COL24A1: variants seen among roughly 807,000 people sequenced by gnomAD.
The protein encoded by COL24A1 is collagen alpha-1(XXIV) chain.
In COL24A1, 224 loss-of-function variants were observed where a neutral mutation model predicts 253.9. The ratio of observed to expected loss-of-function variants is 0.88; its 90% CI spans 0.79 to 0.99. COL24A1 has a LOEUF of 0.99. COL24A1 is among the 50% of genes least tolerant of loss of function. The pLI is 0.00. For missense variants in COL24A1, 2,131 were observed against 2,068.5 expected, an observed-to-expected ratio of 1.03 and a Z score of -0.59; for synonymous variants, 685 against 673.7, an observed-to-expected ratio of 1.02 and a Z score of -0.26.
chr1:86,009,686 T>C (rs971692888), intron 19 of COL24A1, among the ~76,000 whole-genome samples: 1 of 152,164 alleles, frequency 6.6e-6, no homozygotes, highest in African/African-American at 2.4e-5. Context: ...AGTAAGTCAG[T>C]AGTGAGTGAA....
chr1:85,974,869 CA>C (rs1209470217), intron 20 of COL24A1, among the ~76,000 whole-genome samples: 1 of 152,168 alleles, frequency 6.6e-6, no homozygotes, highest in African/African-American at 2.4e-5. Flanking sequence ...ATGTTACCAT[CA>C]GCATCATAAG....
intron 10 of COL24A1, among the ~76,000 whole-genome samples, chr1:86,056,529 T>C (rs1700673139): frequency 6.6e-6 from 1 of 152,186 alleles, no homozygotes; most frequent in African/African-American, 2.4e-5. Context: ...ATTGCACATA[T>C]TGTTTAAATA....
chr1:85,871,046 A>G (rs573828818), intron 35 of COL24A1, among the ~76,000 whole-genome samples: 2 of 152,316 alleles, frequency 1.3e-5, no homozygotes, highest in East Asian at 3.8e-4. Context: ...AATACAAACT[A>G]CCATCAGAGA....
intron 20 of COL24A1, among the ~76,000 whole-genome samples, chr1:85,976,478 G>A (rs1692694149): frequency 6.6e-6 from 1 of 152,098 alleles, no homozygotes; most frequent in Non-Finnish European, 1.5e-5. Context: ...AGTGTGGCAA[G>A]CCCTGCCCAA....
At chr1:85,832,854 C>A (rs938473825) in intron 43 of COL24A1, among the ~76,000 whole-genome samples, 1 of 150,732 alleles carries the variant, frequency 6.6e-6, no homozygotes, top group African/African-American at 2.5e-5. Context: ...TCTAGATATA[C>A]AATCATGTCA....
chr1:85,767,670 G>A (rs761995582), intron 53 of COL24A1, among the ~76,000 whole-genome samples: 1 of 151,228 alleles, frequency 6.6e-6, no homozygotes, highest in African/African-American at 2.4e-5. Context: ...AGCATATTTA[G>A]TTGCCTACTC....
At chr1:85,776,137 A>G (rs1668520153) in intron 52 of COL24A1, among the ~76,000 whole-genome samples, 1 of 152,086 alleles carries the variant, frequency 6.6e-6, no homozygotes, top group Admixed American at 6.6e-5. Context: ...AATATGTTGT[A>G]TATGTTTCCG....
rs552943935 is a variant in COL24A1 at position 85,837,720 on chromosome 1, G to A, written c.3681+865C>T. Among the ~76,000 whole-genome samples the A allele has an allele frequency of 9.2e-4, 140 of 152,114 alleles. 1 individual carries two copies. The highest frequency in any genetic ancestry group is 1.5e-3 in the Non-Finnish European group (102 of 68,014). On this transcript the variant is annotated intron_variant, in intron 43 of 59. Transcript: ENST00000370571. ...TATTATTACAAGACTACAGGAGAGAGCAAGATTACCGTTAGTGGGTCAGGG... is the reference window on the plus strand; with the variant it reads ...TATTATTACAAGACTACAGGAGAGAACAAGATTACCGTTAGTGGGTCAGGG...
intron 24 of COL24A1, among the ~76,000 whole-genome samples, chr1:85,918,569 G>A (rs1364982007): frequency 1.3e-5 from 2 of 152,172 alleles, no homozygotes; most frequent in African/African-American, 4.8e-5. Context: ...GGTAAGGAAT[G>A]TGAACATACA....
intron 48 of COL24A1, 23 bp from the exon 49 acceptor site, chr1:85,784,389 C>A (rs559774187): frequency 1.9e-6 from 3 of 1,539,306 alleles, no homozygotes; most frequent in Non-Finnish European, 2.7e-6. Flanking sequence ...CAAAGAAAAG[C>A]GATCTTTACA....
intron 24 of COL24A1, among the ~76,000 whole-genome samples, chr1:85,933,441 G>A (rs1242340819): frequency 6.6e-6 from 1 of 152,114 alleles, no homozygotes; most frequent in African/African-American, 2.4e-5. Context: ...CAGGAGAGAA[G>A]ATGCTGGCAG....
At chr1:85,852,171 T>G (rs1239228294) in intron 37 of COL24A1, among the ~76,000 whole-genome samples, 1 of 152,194 alleles carries the variant, frequency 6.6e-6, no homozygotes, top group Admixed American at 6.5e-5. Flanking sequence ...GATAACCAAT[T>G]GTACTGGTAT....
intron 39 of COL24A1, among the ~76,000 whole-genome samples, chr1:85,843,899 C>G (rs891774916): frequency 2.6e-5 from 4 of 151,870 alleles, no homozygotes; most frequent in African/African-American, 9.7e-5. Flanking sequence ...AAAAATGAAC[C>G]TTAATGTACC....
At chr1:85,945,270 C>T (rs1024266450) in intron 24 of COL24A1, among the ~76,000 whole-genome samples, 11 of 151,330 alleles carry the variant, frequency 7.3e-5, no homozygotes, top group South Asian at 2.1e-4. Context: ...GCCCACCTCC[C>T]GGCCTCCCAA....
At chr1:85,926,001 C>A (rs534582077) in intron 24 of COL24A1, among the ~76,000 whole-genome samples, 1,614 of 152,136 alleles carry the variant, frequency 0.011, 10 homozygotes, top group Non-Finnish European at 0.018. Context: ...ACCCCATCAA[C>A]AAGTGGGCAA....
intron 2 of COL24A1, among the ~76,000 whole-genome samples, chr1:86,143,520 T>C (rs1318358945): frequency 6.6e-6 from 1 of 152,076 alleles, no homozygotes; most frequent in African/African-American, 2.4e-5. Context: ...ATTGTGAATA[T>C]TAAATTAACC....
intron 7 of COL24A1, among the ~76,000 whole-genome samples, chr1:86,083,393 C>A (rs2101919926): frequency 6.6e-6 from 1 of 151,436 alleles, no homozygotes; most frequent in South Asian, 2.1e-4. Flanking sequence ...AACTCTGTAT[C>A]ATATATGTAT....
At chr1:86,041,102 A>G (rs1230248250) in intron 12 of COL24A1, among the ~76,000 whole-genome samples, 1 of 152,174 alleles carries the variant, frequency 6.6e-6, no homozygotes. Context: ...AGAAAAGAGG[A>G]GCAGGCTCTC....
chr1:85,867,418 T>C (rs965984601), intron 37 of COL24A1, among the ~76,000 whole-genome samples: 11 of 152,222 alleles, frequency 7.2e-5, no homozygotes, highest in Admixed American at 3.9e-4. Flanking sequence ...TGAAGAGCTA[T>C]GTTTTCTCTT....
Sources: gnomAD v4.1 joint callset for allele counts (sites outside exome capture counted in the v4.1 genomes callset) on GRCh38, gnomAD v4.1.1 for gene constraint, MANE v1.5 for transcripts, NCBI Gene and HGNC (gene_info 2026-07-23, HGNC 2026-07-21) for gene names.